Variants in CLSTN2 observed in about 807,000 individuals in gnomAD.
CLSTN2 encodes calsyntenin-2.
CLSTN2 carries 48 observed loss-of-function variants against 101.2 expected under a neutral mutation model. The ratio of observed to expected loss-of-function variants is 0.47; its 90% confidence interval spans 0.38 to 0.60. CLSTN2 has a LOEUF of 0.60. CLSTN2 is among the 20% of genes least tolerant of loss of function. CLSTN2 has a pLI of 0.00. For missense variants in CLSTN2, 1,160 were observed against 1,238.2 expected, an observed-to-expected ratio of 0.94 and a Z score of 0.95; for synonymous variants, 481 against 463.6, an observed-to-expected ratio of 1.04 and a Z score of -0.48.
chr3:140,202,840 CT>C (rs1370212654), intron 2 of CLSTN2, among the ~76,000 whole-genome samples: 2 of 152,152 alleles, frequency 1.3e-5, no homozygotes, highest in Non-Finnish European at 2.9e-5. Flanking sequence ...CCAACAGGTC[CT>C]TTTTTTCCTG....
chr3:140,355,964 TTGAGTATTTTGCAAAACTCACC>T (rs1191910056), intron 2 of CLSTN2, among the ~76,000 whole-genome samples: 1 of 152,260 alleles, frequency 6.6e-6, no homozygotes, highest in Non-Finnish European at 1.5e-5. Context: ...ATAAATATTT[TTGAGTATTTTGCAAAACTCACC>T]TTAGTGAAGA....
chr3:139,980,996 G>A (rs942889662), intron 1 of CLSTN2, among the ~76,000 whole-genome samples: 2 of 152,042 alleles, frequency 1.3e-5, no homozygotes, highest in African/African-American at 4.8e-5. Context: ...AATTAATGGT[G>A]TGTGCTATGA....
chr3:140,111,373 T>C (rs1317203452), intron 1 of CLSTN2, among the ~76,000 whole-genome samples: 2 of 152,140 alleles, frequency 1.3e-5, no homozygotes, highest in East Asian at 1.9e-4. Flanking sequence ...TCATCTTTTT[T>C]ATCCAAGTCA....
chr3:140,108,858 G>A (rs953843870), intron 1 of CLSTN2, among the ~76,000 whole-genome samples: 1 of 152,212 alleles, frequency 6.6e-6, no homozygotes, highest in African/African-American at 2.4e-5. Flanking sequence ...AAAGGATGGA[G>A]TTAGCATTTG....
chr3:140,415,505 A>C (rs1298003682), intron 4 of CLSTN2, among the ~76,000 whole-genome samples: 4 of 151,136 alleles, frequency 2.6e-5, no homozygotes, highest in African/African-American at 7.3e-5. Flanking sequence ...AAAAAAAAAA[A>C]AAAAACAAAC....
intron 8 of CLSTN2, among the ~76,000 whole-genome samples, chr3:140,502,426 A>G (rs1386157185): frequency 6.6e-6 from 1 of 152,192 alleles, no homozygotes; most frequent in African/African-American, 2.4e-5. Flanking sequence ...CTTATTAAAC[A>G]GCTTGGGGAG....
chr3:140,424,084 C>G (rs536360738), intron 5 of CLSTN2, among the ~76,000 whole-genome samples: 158 of 152,304 alleles, frequency 1.0e-3, no homozygotes, highest in African/African-American at 3.6e-3. Context: ...GAGTGTTATT[C>G]CCAACAGCTG....
intron 2 of CLSTN2, among the ~76,000 whole-genome samples, chr3:140,201,965 G>A (rs536674726): frequency 1.5e-4 from 23 of 152,276 alleles, no homozygotes; most frequent in African/African-American, 5.3e-4. Context: ...GCAAAGTTTC[G>A]AAGGAAATGA....
At chr3:140,274,903 A>G (rs987892419) in intron 2 of CLSTN2, among the ~76,000 whole-genome samples, 2 of 152,196 alleles carry the variant, frequency 1.3e-5, no homozygotes. Flanking sequence ...TCTGGCGAGC[A>G]TGGAGGCAGG....
chr3:140,030,729 A>C (rs1396885612), intron 1 of CLSTN2, among the ~76,000 whole-genome samples: 3 of 152,202 alleles, frequency 2.0e-5, no homozygotes, highest in Admixed American at 6.5e-5. Flanking sequence ...GTAGGAGATA[A>C]TTTAGCTGAA....
At chr3:140,179,340 A>G (rs1241781533) in intron 2 of CLSTN2, among the ~76,000 whole-genome samples, 4 of 150,282 alleles carry the variant, frequency 2.7e-5, no homozygotes, top group Non-Finnish European at 5.9e-5. Context: ...AATTGTGATC[A>G]TGCTGGGTGC....
At chr3:140,524,333 T>C (rs1473126215) in intron 8 of CLSTN2, among the ~76,000 whole-genome samples, 1 of 152,200 alleles carries the variant, frequency 6.6e-6, no homozygotes, top group Admixed American at 6.5e-5. Context: ...AGATCCTGAT[T>C]TGGAAGTGAG....
chr3:140,116,222 A>C (rs936693718), intron 1 of CLSTN2, among the ~76,000 whole-genome samples: 1 of 152,292 alleles, frequency 6.6e-6, no homozygotes, highest in Non-Finnish European at 1.5e-5. Context: ...CTTTAGAGAA[A>C]CTTATTCTTT....
At chr3:140,222,549 A>C (rs1475480906) in intron 2 of CLSTN2, among the ~76,000 whole-genome samples, 2 of 152,208 alleles carry the variant, frequency 1.3e-5, no homozygotes, top group Admixed American at 1.3e-4. Context: ...ATTATTATGC[A>C]TTGCATGCTT....
Position 140,070,873 on chromosome 3 carries a change from T to G in CLSTN2, c.110-105078T>G, listed in dbSNP as rs915721020. 2.0e-5 allele frequency among the ~76,000 whole-genome samples: 3 copies of G among 152,222 alleles called. No individual in the cohort carries two copies. In the East Asian group the frequency reaches 5.8e-4, roughly 29 times the overall value. ...CTGTTTTCCAGCTACAAAGGCAGAG[T>G]TGAGTAGTTACTACAGAGACTGAAT... is the stretch of plus-strand genomic sequence containing the variant. On this transcript the variant is annotated intron_variant, in intron 1 of 16. Coordinates refer to ENST00000458420, the MANE Select transcript of CLSTN2 (RefSeq NM_022131.3).
intron 1 of CLSTN2, among the ~76,000 whole-genome samples, chr3:140,086,755 C>T (rs1051246608): frequency 6.6e-6 from 1 of 152,194 alleles, no homozygotes; most frequent in Non-Finnish European, 1.5e-5. Context: ...CATACTCTCT[C>T]AATCCTTGAA....
intron 7 of CLSTN2, among the ~76,000 whole-genome samples, chr3:140,461,881 A>C (rs1933571987): frequency 1.3e-5 from 2 of 152,050 alleles, no homozygotes; most frequent in African/African-American, 2.4e-5. Context: ...AAGTGGGAAG[A>C]TATTTCTCTA....
At chr3:140,505,679 A>G (rs1349335179) in intron 8 of CLSTN2, 3 of 152,212 alleles carry the variant, frequency 2.0e-5, no homozygotes, top group Non-Finnish European at 4.4e-5. Context: ...CAACTAAATT[A>G]TAATTATGTT....
intron 1 of CLSTN2, among the ~76,000 whole-genome samples, chr3:139,993,052 G>A (rs1293070518): frequency 6.6e-6 from 1 of 152,150 alleles, no homozygotes; most frequent in Non-Finnish European, 1.5e-5. Flanking sequence ...AGGGCTGATT[G>A]GTCAATGCGT....
Sources: allele counts gnomAD v4.1 joint callset (sites outside exome capture counted in the v4.1 genomes callset), GRCh38; gene constraint gnomAD v4.1.1; transcripts MANE v1.5; gene names NCBI Gene and HGNC (gene_info 2026-07-23, HGNC 2026-07-21).